CUX1: variants seen among roughly 807,000 people sequenced by gnomAD.
CUX1 encodes the protein protein CASP.
CUX1 carries 31 observed loss-of-function variants against 158.8 expected under a neutral mutation model. The observed-to-expected ratio is 0.20, with a 90% CI of 0.15 to 0.26. CUX1 has a LOEUF of 0.26. Ranked by LOEUF, CUX1 falls within the 10% of genes least tolerant of loss-of-function variation. CUX1 has a pLI of 1.00. For synonymous variants in CUX1, 879 were observed against 862.1 expected, an observed-to-expected ratio of 1.02 and a Z score of -0.34; for missense variants, 1,589 against 2,014.6, an observed-to-expected ratio of 0.79 and a Z score of 4.04.
In CUX1 at chr7:102,248,396, G is replaced by A. The variant is rs868987159; in HGVS notation, c.3888-16G>A. 11 of 1,579,432 alleles carry A rather than the reference G, an allele frequency of 7.0e-6. No homozygotes were observed. In the Middle Eastern group the frequency reaches 1.3e-3, roughly 192 times the overall value. On this transcript the variant is annotated splice_polypyrimidine_tract_variant and intron_variant, in intron 23 of 23. Transcript: ENST00000292535. This position sits in a 1 kb window ranked among gnomAD's most constrained non-coding sequence, Gnocchi z 5.8. Reference sequence around the variant, plus strand: ...GCAGCACCCCCCTCACGTCCCCGCCGCTTGTTGTCTTGTAGGTCTCGGATC... The same window carrying A: ...GCAGCACCCCCCTCACGTCCCCGCCACTTGTTGTCTTGTAGGTCTCGGATC...
chr7:102,282,743 T>A (rs782512335), exon 22 of CUX1: 1 of 1,613,544 alleles, frequency 6.2e-7, no homozygotes, highest in Non-Finnish European at 8.5e-7. Flanking sequence ...AGCGAGAGCA[T>A]GGAGAGGGAC....
At chr7:101,978,555 G>A (rs188697930) in intron 2 of CUX1, among the ~76,000 whole-genome samples, 7 of 152,314 alleles carry the variant, frequency 4.6e-5, no homozygotes, top group Non-Finnish European at 1.5e-5. Flanking sequence ...TTTCCCCAGC[G>A]GCCTCAGTTT....
chr7:102,006,776 T>C (rs1817425153), intron 2 of CUX1, among the ~76,000 whole-genome samples: 1 of 152,244 alleles, frequency 6.6e-6, no homozygotes. Context: ...GAACAGTTTG[T>C]GACGGGCAGA....
rs1199980682 is a variant in CUX1, at chr7:102,256,224, C to G, written c.*7182C>G. The stretch of plus-strand genomic sequence containing the variant: ...GTGTCTGAGGCCACAGCCATCCCTT[C>G]CAGCACTTAATCTTGTCTTGTTGAA... On this transcript the variant is annotated 3_prime_UTR_variant, in exon 24 of 24. Coordinates refer to ENST00000292535, the MANE Select transcript of CUX1 (RefSeq NM_181552.4). 1.0e-6 allele frequency: 1 copy of G among 985,346 alleles called. No individual in the cohort carries two copies. 61.0% of individuals were successfully genotyped at this position (985,346 alleles called of 1,614,324 possible).
In CUX1 at chr7:102,253,946, T is replaced by A; in HGVS notation, c.*4904T>A. On this transcript the variant is annotated 3_prime_UTR_variant, in exon 24 of 24. Transcript: ENST00000292535. ...TTGTCCCTTCTACCTCACTAACCTG[T>A]CTTCTCCATCTGATGTCACCCAGAA... 2 of 985,596 alleles carry A rather than the reference T, an allele frequency of 2.0e-6. No individual in the cohort carries two copies. Among genetic ancestry groups the A allele is most frequent in the Non-Finnish European group, 2.4e-6 (2 of 830,062 alleles). 61.1% of individuals were successfully genotyped at this position (985,596 alleles called of 1,614,324 possible).
chr7:102,008,513 C>T (rs1366144835), intron 2 of CUX1, among the ~76,000 whole-genome samples: 1 of 152,104 alleles, frequency 6.6e-6, no homozygotes, highest in Non-Finnish European at 1.5e-5. Flanking sequence ...CGGTCGTGTG[C>T]GTGTCTTTAT....
Position 102,254,011 on chromosome 7 carries a change from A to G in CUX1, c.*4969A>G. The G allele has an allele frequency of 1.0e-6, 1 of 985,328 alleles. No homozygotes were observed. Among genetic ancestry groups the G allele is most frequent in the Non-Finnish European group, 1.2e-6 (1 of 829,954 alleles). 61.0% of individuals were successfully genotyped at this position (985,328 alleles called of 1,614,324 possible). ...ACTGTGAGGCACGTGGGCTGGAGAG[A>G]GCAGAAAAGCTGCCAGCGCAGCAGA... On this transcript the variant is annotated 3_prime_UTR_variant, in exon 24 of 24. Transcript: ENST00000292535.
At chr7:102,014,763 T>C (rs1399581828) in intron 2 of CUX1, among the ~76,000 whole-genome samples, 1 of 152,002 alleles carries the variant, frequency 6.6e-6, no homozygotes, top group East Asian at 1.9e-4. Flanking sequence ...TTAGGCTTGG[T>C]TGCTATCTGT....
chr7:102,248,299 C>T lies in CUX1; in HGVS notation c.3888-113C>T. On this transcript the variant is annotated intron_variant, in intron 23 of 23. Coordinates refer to ENST00000292535, the MANE Select transcript of CUX1 (RefSeq NM_181552.4). This position sits in a 1 kb window ranked among gnomAD's most constrained non-coding sequence, Gnocchi z 5.8. ...GGTCGCTGGAGGGGCACGGAGGGGC[C>T]TCCAGGCTGGACGGAGCAGGAGCCC... 1 of 1,045,864 alleles carries T rather than the reference C, an allele frequency of 9.6e-7. No individual in the cohort carries two copies. Among genetic ancestry groups the T allele is most frequent in the Admixed American group, 3.0e-5 (1 of 33,780 alleles). 64.8% of individuals were successfully genotyped at this position (1,045,864 alleles called of 1,614,324 possible). A position where few individuals can be genotyped will look rare whatever the true frequency, so the allele number is the denominator to read the frequency against.
chr7:102,044,038 C>T (rs369475069), intron 3 of CUX1, among the ~76,000 whole-genome samples: 16 of 152,136 alleles, frequency 1.1e-4, no homozygotes, highest in East Asian at 7.7e-4. Context: ...GACTGGCGTG[C>T]GGTGGTGCGA....
intron 10 of CUX1, among the ~76,000 whole-genome samples, chr7:102,174,267 C>T (rs766650270): frequency 9.2e-5 from 14 of 152,078 alleles, no homozygotes; most frequent in African/African-American, 1.4e-4. Context: ...TACAGGTGTG[C>T]GCCACCATAC....
At chr7:101,937,250 A>T (rs1217584661) in intron 2 of CUX1, among the ~76,000 whole-genome samples, 1 of 152,212 alleles carries the variant, frequency 6.6e-6, no homozygotes, top group Non-Finnish European at 1.5e-5. Context: ...TGTGAAAGAC[A>T]TTAGCTCCTG....
At chr7:102,152,041 T>G (rs1554503747) in intron 8 of CUX1, among the ~76,000 whole-genome samples, 1 of 151,900 alleles carries the variant, frequency 6.6e-6, no homozygotes, top group Non-Finnish European at 1.5e-5. Context: ...ATCAACTTTG[T>G]CTCTACAAAA....
chr7:102,047,498 G>GGGAGGGAAGGAGGGAGGGAGAGAT (rs1822957586), intron 3 of CUX1, among the ~76,000 whole-genome samples: 1 of 110,424 alleles, frequency 9.1e-6, no homozygotes, highest in Non-Finnish European at 2.1e-5. Context: ...GAGAGATGGA[G>GGGAGGGAAGGAGGGAGGGAGAGAT]GGAGGGAGGG....
chr7:102,205,160 T>C lies in CUX1; in HGVS notation c.3120T>C (p.Cys1040=), dbSNP rs782411706. 1 of 1,610,670 alleles carries C rather than the reference T, an allele frequency of 6.2e-7. No individual in the cohort carries two copies. Among genetic ancestry groups the C allele is most frequent in the East Asian group, 2.2e-5 (1 of 44,870 alleles). The change falls in exon 20 of 24, where the codon TGT becomes TGC. Residue 1040 remains cysteine, a synonymous_variant. Coordinates refer to ENST00000292535, the MANE Select transcript of CUX1 (RefSeq NM_181552.4). ...TSLQDPLQQG[C]VSSESTPKTS... is the part of the protein sequence containing the mutation. ...TCCAGGACCCGCTGCAGCAGGGCTG[T>C]GTGAGCTCAGGTAAGCAGCCAGTTT...
At chr7:102,124,186 C>G (rs1832363459) in intron 8 of CUX1, among the ~76,000 whole-genome samples, 1 of 152,182 alleles carries the variant, frequency 6.6e-6, no homozygotes, top group Non-Finnish European at 1.5e-5. Flanking sequence ...TAGATTGTAG[C>G]ACATATGGTG....
At chr7:102,030,406 T>C (rs1820599669) in intron 3 of CUX1, among the ~76,000 whole-genome samples, 1 of 151,174 alleles carries the variant, frequency 6.6e-6, no homozygotes, top group African/African-American at 2.4e-5. Context: ...TGCTGAACAT[T>C]CAGAAGTAAG....
At chr7:102,046,606 T>A in intron 3 of CUX1, among the ~76,000 whole-genome samples, 1 of 128,072 alleles carries the variant, frequency 7.8e-6, no homozygotes, top group Non-Finnish European at 1.6e-5. Flanking sequence ...TGAGACAGTC[T>A]CACTCTGTCA....
Position 102,252,563 on chromosome 7 carries a change from T to G in CUX1, c.*3521T>G, listed in dbSNP as rs966080345. On this transcript the variant is annotated 3_prime_UTR_variant, in exon 24 of 24. Coordinates refer to ENST00000292535, the MANE Select transcript of CUX1 (RefSeq NM_181552.4). ...ATAACTTAAGGCTTTTGCCATTAAC[T>G]TAGCTGGCTAAGCAGAGGCTCGGGG... The G allele has an allele frequency of 1.0e-6, 1 of 985,492 alleles. No homozygotes were observed. The highest frequency in any genetic ancestry group is 1.2e-6 in the Non-Finnish European group (1 of 829,940). The allele number at this position is 985,492 out of a possible 1,614,324, so 61.0% of individuals were successfully genotyped here.
Sources: allele counts gnomAD v4.1 joint callset (sites outside exome capture counted in the v4.1 genomes callset), GRCh38; gene constraint gnomAD v4.1.1; non-coding constraint Gnocchi (gnomAD v3.1); transcripts MANE v1.5; gene names NCBI Gene and HGNC (gene_info 2026-07-23, HGNC 2026-07-21).